GTF2E1: variants seen among roughly 807,000 people sequenced by gnomAD.
GTF2E1 encodes the protein TFIIE alpha subunit.
A neutral mutation model predicts 34.9 loss-of-function variants in GTF2E1; 14 were observed. The ratio of observed to expected loss-of-function variants is 0.40; its 90% CI spans 0.27 to 0.63. The LOEUF is 0.63. Ranked by LOEUF, GTF2E1 falls within the 20% of genes least tolerant of loss-of-function variation. The pLI, the probability that GTF2E1 is intolerant of heterozygous loss-of-function variation, is 0.39. For missense variants in GTF2E1, 469 were observed against 557.7 expected (o/e 0.84, Z 1.60); for synonymous variants, 188 against 192.9 (o/e 0.97, Z 0.21).
Position 120,750,718 on chromosome 3 carries a change from C to T in GTF2E1, c.166C>T (p.Arg56Trp), listed in dbSNP as rs960455411. ...TATGCTGGAGCTGCTCAAGTTTGAT[C>T]GGAAGCAACTTCGATCAGTTTTGAA... The part of the protein sequence containing the change: ...EDMLELLKFD[R>W]KQLRSVLNNL... Residue 56 changes from arginine to tryptophan, a missense_variant, in exon 2 of 5, where the codon CGG becomes TGG. By Grantham distance (101) the Arg-to-Trp change is moderately radical (BLOSUM62 -3). Transcript: ENST00000283875. The T allele has an allele frequency of 5.0e-6, 8 of 1,613,828 alleles. No individual in the cohort carries two copies. The highest frequency in any genetic ancestry group is 3.3e-5 in the Admixed American group (2 of 59,968).
At chr3:120,746,679 G>C (rs1380592618) in intron 1 of GTF2E1, among the ~76,000 whole-genome samples, 4 of 152,216 alleles carry the variant, frequency 2.6e-5, no homozygotes, top group African/African-American at 9.6e-5. Context: ...TCCACCCGTA[G>C]TCTCAGCTAC....
intron 2 of GTF2E1, among the ~76,000 whole-genome samples, chr3:120,768,638 AAGTC>A (rs1709327871): frequency 6.6e-6 from 1 of 152,182 alleles, no homozygotes; most frequent in Admixed American, 6.6e-5. Context: ...CAGTCAATTT[AAGTC>A]CCAGTCTCAC....
intron 2 of GTF2E1, among the ~76,000 whole-genome samples, chr3:120,754,561 T>C (rs1709192557): frequency 6.6e-6 from 1 of 152,156 alleles, no homozygotes; most frequent in African/African-American, 2.4e-5. Context: ...TATAGCACAT[T>C]ATTCCTGTTC....
intron 1 of GTF2E1, chr3:120,749,976 G>A (rs1052219877): frequency 6.6e-6 from 1 of 152,328 alleles, no homozygotes; most frequent in African/African-American, 2.4e-5. Context: ...CTGGATCTAA[G>A]TATTACTTTC....
rs1409724177 is a variant in GTF2E1 at position 120,750,775 on chromosome 3, A to G, written c.223A>G (p.Arg75Gly). The change falls in exon 2 of 5, where the codon AGA becomes GGA. Residue 75 changes from arginine to glycine, a missense_variant. Arg to Gly is a moderately radical substitution (Grantham distance 125, BLOSUM62 -2). Coordinates refer to ENST00000283875, the MANE Select transcript of GTF2E1 (RefSeq NM_005513.3). The stretch of plus-strand genomic sequence containing the variant: ...AAAGGGAGACAAGTTTATCAAATGC[A>G]GAATGAGGGTAGAGACTGCTGCAGA... ...NLKGDKFIKC[R>G]MRVETAADGK... is the part of the protein sequence containing the mutation. 8.1e-6 allele frequency: 13 copies of G among 1,613,888 alleles called. No individual in the cohort carries two copies. In the Admixed American group the frequency reaches 2.2e-4, roughly 27 times the overall value.
intron 2 of GTF2E1, among the ~76,000 whole-genome samples, chr3:120,764,097 A>C (rs1460987102): frequency 1.3e-5 from 2 of 152,084 alleles, no homozygotes; most frequent in African/African-American, 4.8e-5. Context: ...CCCATCTTTA[A>C]GTCTCTGCTT....
In GTF2E1 at chr3:120,754,181, TC is replaced by T. The variant is rs547294278; in HGVS notation, c.448+3183del. 2.0e-4 allele frequency among the ~76,000 whole-genome samples: 31 copies of T among 152,298 alleles called. No homozygotes were observed. In the East Asian group the frequency reaches 6.0e-3, roughly 29 times the overall value. On this transcript the variant is annotated intron_variant, in intron 2 of 4. Transcript: ENST00000283875. ...TAAGTTAAGTTCAACAGCATGCTTC[TC>T]CTGAAGGGCAGAGGGGGATCTTAGC... is the stretch of plus-strand genomic sequence containing the variant.
At position 120,750,734 on chromosome 3, in the gene GTF2E1, C is replaced by G; in HGVS notation, c.182C>G (p.Ser61Ter). ...LLKFDRKQLR[S>*]VLNNLKGDKF... Reference sequence around the variant, plus strand: ...AAGTTTGATCGGAAGCAACTTCGATCAGTTTTGAATAATTTAAAGGGAGAC... The same window carrying G: ...AAGTTTGATCGGAAGCAACTTCGATGAGTTTTGAATAATTTAAAGGGAGAC... Residue 61 changes from serine (S) to a stop codon, truncating the protein, a stop_gained, in exon 2 of 5, where the codon TCA becomes TGA. Transcript: ENST00000283875. LOFTEE classifies it high-confidence loss of function. The G allele has an allele frequency of 6.2e-7, 1 of 1,613,996 alleles. No individual in the cohort carries two copies. Among genetic ancestry groups the G allele is most frequent in the Admixed American group, 1.7e-5 (1 of 59,986 alleles).
intron 1 of GTF2E1, among the ~76,000 whole-genome samples, chr3:120,744,108 G>A (rs1399656962): frequency 1.3e-5 from 2 of 152,192 alleles, no homozygotes; most frequent in Non-Finnish European, 2.9e-5. Context: ...GTGGGAACAT[G>A]GGCTCACTTT....
intron 2 of GTF2E1, among the ~76,000 whole-genome samples, chr3:120,760,380 A>T (rs1468756560): frequency 1.3e-5 from 2 of 152,184 alleles, no homozygotes; most frequent in Non-Finnish European, 2.9e-5. Flanking sequence ...ACAAACAGAG[A>T]CAATTTGACT....
At chr3:120,758,634 G>A (rs1385831587) in intron 2 of GTF2E1, among the ~76,000 whole-genome samples, 1 of 151,634 alleles carries the variant, frequency 6.6e-6, no homozygotes, top group Non-Finnish European at 1.5e-5. Flanking sequence ...ATGTGTTCTC[G>A]TTGTTAAACT....
intron 3 of GTF2E1, among the ~76,000 whole-genome samples, chr3:120,774,355 A>T (rs1428635841): frequency 6.6e-6 from 1 of 152,180 alleles, no homozygotes; most frequent in Non-Finnish European, 1.5e-5. Context: ...ACCAGATCAG[A>T]CCAAGAGAAA....
intron 1 of GTF2E1, among the ~76,000 whole-genome samples, chr3:120,749,060 A>G (rs1177853879): frequency 1.3e-5 from 2 of 152,082 alleles, no homozygotes; most frequent in Non-Finnish European, 2.9e-5. Context: ...TTTGTCTGTT[A>G]TTGGTGTATA....
At chr3:120,758,551 CCTA>C (rs376056511) in intron 2 of GTF2E1, among the ~76,000 whole-genome samples, 60 of 150,778 alleles carry the variant, frequency 4.0e-4, no homozygotes, top group Middle Eastern at 3.4e-3. Flanking sequence ...AGGTATTTCT[CCTA>C]CTGCTAATCC....
intron 2 of GTF2E1, among the ~76,000 whole-genome samples, chr3:120,769,027 C>T (rs953388284): frequency 2.4e-4 from 36 of 152,214 alleles, no homozygotes; most frequent in Admixed American, 1.6e-3. Flanking sequence ...TTAATCTCTT[C>T]GGATGCTTCT....
rs982468952 is a variant in GTF2E1 at position 120,781,720 on chromosome 3, T to C, written c.*250T>C. The C allele has an allele frequency of 7.0e-5, 24 of 343,240 alleles. No individual in the cohort carries two copies. Among genetic ancestry groups the C allele is most frequent in the African/African-American group, 2.3e-4 (11 of 46,950 alleles). 21.3% of individuals were successfully genotyped at this position (343,240 alleles called of 1,614,324 possible). ...ATTTTACTGTATTTTCTTTTCTTTTTTTTTTTTTTTTGGAGATGAAGTCTC... is the reference window on the plus strand; with the variant it reads ...ATTTTACTGTATTTTCTTTTCTTTTCTTTTTTTTTTTGGAGATGAAGTCTC... On this transcript the variant is annotated 3_prime_UTR_variant, in exon 5 of 5. Coordinates refer to ENST00000283875, the MANE Select transcript of GTF2E1 (RefSeq NM_005513.3).
At chr3:120,780,941 T>G in intron 4 of GTF2E1, 102 bp from the exon 5 acceptor site, 1 of 769,168 alleles carries the variant, frequency 1.3e-6, no homozygotes, top group East Asian at 2.7e-5. Context: ...AAGTCTGTTA[T>G]TTTATCGTAT....
intron 2 of GTF2E1, among the ~76,000 whole-genome samples, chr3:120,761,013 C>T (rs548776927): frequency 2.8e-4 from 42 of 152,272 alleles, no homozygotes; most frequent in Non-Finnish European, 1.6e-4. Context: ...CCAGCTCCTC[C>T]TTGTACCTTT....
At chr3:120,767,851 T>C (rs955002191) in intron 2 of GTF2E1, among the ~76,000 whole-genome samples, 1 of 152,162 alleles carries the variant, frequency 6.6e-6, no homozygotes, top group Non-Finnish European at 1.5e-5. Flanking sequence ...TTTCCCCCTA[T>C]TCTTTTTCAT....
Sources: allele counts gnomAD v4.1 joint callset (sites outside exome capture counted in the v4.1 genomes callset), GRCh38; gene constraint gnomAD v4.1.1; transcripts MANE v1.5; gene names NCBI Gene and HGNC (gene_info 2026-07-23, HGNC 2026-07-21).